The following MAL2 variants were observed in gnomAD, a reference collection of about 807,000 sequenced individuals.
The protein encoded by MAL2 is mal, T cell differentiation protein 2.
In MAL2, 17 loss-of-function variants were observed where a neutral mutation model predicts 18.1. The ratio of observed to expected loss-of-function variants is 0.94; its 90% confidence interval spans 0.64 to 1.41. The LOEUF is 1.41. Ranked by LOEUF, MAL2 falls within the 40% of genes most tolerant of loss-of-function variation. The pLI is 0.00. For missense variants in MAL2, 222 were observed against 231.9 expected (o/e 0.96, Z 0.28); for synonymous variants, 102 against 102.3 (o/e 1.00, Z 0.02).
At chr8:119,210,293 A>C (rs1404692957) in intron 1 of MAL2, among the ~76,000 whole-genome samples, 1 of 152,190 alleles carries the variant, frequency 6.6e-6, no homozygotes, top group South Asian at 2.1e-4. Flanking sequence ...AGGCTTATCC[A>C]TATGCCCTCT....
intron 2 of MAL2, among the ~76,000 whole-genome samples, chr8:119,237,461 C>A (rs1817932799): frequency 6.6e-6 from 1 of 151,444 alleles, no homozygotes; most frequent in Non-Finnish European, 1.5e-5. Flanking sequence ...ATTCTGATAC[C>A]AAAGCCGGGC....
intron 2 of MAL2, among the ~76,000 whole-genome samples, chr8:119,231,884 A>G (rs983961981): frequency 6.6e-6 from 1 of 150,976 alleles, no homozygotes; most frequent in Non-Finnish European, 1.5e-5. Context: ...ACAGAAGTAG[A>G]GAATAGAATG....
At chr8:119,240,138 G>A in intron 2 of MAL2, 27 bp from the exon 3 acceptor site, 1 of 1,590,020 alleles carries the variant, frequency 6.3e-7, no homozygotes, top group Non-Finnish European at 8.6e-7. Context: ...TTTTTTAATT[G>A]CAGATGTCTT....
intron 1 of MAL2, among the ~76,000 whole-genome samples, chr8:119,210,494 A>C (rs756803333): frequency 1.3e-5 from 2 of 152,182 alleles, no homozygotes; most frequent in Non-Finnish European, 2.9e-5. Flanking sequence ...AGCTTTTTAA[A>C]ATAACTGTTA....
At chr8:119,217,991 A>G (rs1817386547) in intron 1 of MAL2, among the ~76,000 whole-genome samples, 1 of 152,184 alleles carries the variant, frequency 6.6e-6, no homozygotes, top group South Asian at 2.1e-4. Flanking sequence ...GCTCAAGAAG[A>G]AAAGTAGCTT....
chr8:119,239,580 C>G lies in MAL2; in HGVS notation c.304-585C>G, dbSNP rs1284581062. The stretch of plus-strand genomic sequence containing the variant: ...TGTGGCACATATACACCATGGAATA[C>G]TATGCAGCCATAAAAAATGATGAGT... On this transcript the variant is annotated intron_variant, in intron 2 of 3. Coordinates refer to ENST00000614891, the MANE Select transcript of MAL2 (RefSeq NM_052886.3). Among the ~76,000 whole-genome samples, 983 of 150,238 alleles carry G rather than the reference C, an allele frequency of 6.5e-3. 17 individuals carry two copies. Among genetic ancestry groups the G allele is most frequent in the African/African-American group, 0.024 (938 of 39,616 alleles).
chr8:119,242,864 G>A (rs1404214508), intron 3 of MAL2, among the ~76,000 whole-genome samples: 1 of 152,162 alleles, frequency 6.6e-6, no homozygotes, highest in Non-Finnish European at 1.5e-5. Context: ...ACACACAGTT[G>A]GTGCTGAAGA....
chr8:119,243,166 G>A (rs1818080404), intron 3 of MAL2, among the ~76,000 whole-genome samples: 1 of 151,892 alleles, frequency 6.6e-6, no homozygotes, highest in African/African-American at 2.4e-5. Context: ...AATGTTCAGT[G>A]TAAAGTTGTC....
intron 2 of MAL2, among the ~76,000 whole-genome samples, chr8:119,233,752 G>A (rs1447558321): frequency 6.6e-6 from 1 of 151,842 alleles, no homozygotes; most frequent in African/African-American, 2.4e-5. Flanking sequence ...GAGGTACAAG[G>A]AGGAACTGGT....
chr8:119,231,685 C>G (rs1018992325), intron 2 of MAL2, among the ~76,000 whole-genome samples: 6 of 152,082 alleles, frequency 3.9e-5, no homozygotes, highest in Non-Finnish European at 7.4e-5. Context: ...ATGGAATCAA[C>G]CTAAAGGCCA....
Position 119,208,927 on chromosome 8 carries a change from C to G in MAL2, c.132+323C>G. 5.1e-6 allele frequency: 1 copy of G among 195,632 alleles called. No homozygotes were observed. Among genetic ancestry groups the G allele is most frequent in the Non-Finnish European group, 1.0e-5 (1 of 97,886 alleles). The allele number at this position is 195,632 out of a possible 1,614,324, so 12.1% of individuals were successfully genotyped here. ...GGGCTCAGAGGCGCCTTTAGAAACC[C>G]AGGGCATGGCCAGGGGCCGCGCTTG... is the stretch of plus-strand genomic sequence containing the variant. On this transcript the variant is annotated intron_variant, in intron 1 of 3. Transcript: ENST00000614891. The surrounding 1 kb of genome is among the most constrained non-coding windows in gnomAD (Gnocchi z 4.3).
intron 2 of MAL2, among the ~76,000 whole-genome samples, chr8:119,229,838 A>T (rs562775159): frequency 1.5e-4 from 23 of 152,282 alleles, no homozygotes; most frequent in African/African-American, 5.3e-4. Context: ...GCATAAGGAA[A>T]CCACTCTTCC....
chr8:119,208,503 C>G lies in MAL2; in HGVS notation c.31C>G (p.Pro11Ala). The G allele has an allele frequency of 7.5e-7, 1 of 1,325,254 alleles. No homozygotes were observed. The highest frequency in any genetic ancestry group is 3.1e-5 in the East Asian group (1 of 32,286). The allele number at this position is 1,325,254 out of a possible 1,614,324, so 82.1% of individuals were successfully genotyped here. A position where few individuals can be genotyped will look rare whatever the true frequency, so the allele number is the denominator to read the frequency against. MSAGGASVPPPPNPAVSFPPP... is the reference protein window; with the variant it reads MSAGGASVPPAPNPAVSFPPP... ...GGCCGGCGGAGCGTCAGTCCCGCCGCCCCCGAACCCCGCCGTGTCCTTCCC... is the reference window on the plus strand; with the variant it reads ...GGCCGGCGGAGCGTCAGTCCCGCCGGCCCCGAACCCCGCCGTGTCCTTCCC... Residue 11 changes from proline to alanine, a missense_variant, in exon 1 of 4, where the codon CCC (proline) becomes GCC (alanine). Transcript: ENST00000614891. The surrounding 1 kb of genome is among the most constrained non-coding windows in gnomAD (Gnocchi z 4.3).
At chr8:119,241,247 C>T (rs1406669087) in intron 3 of MAL2, among the ~76,000 whole-genome samples, 2 of 152,090 alleles carry the variant, frequency 1.3e-5, no homozygotes, top group Non-Finnish European at 2.9e-5. Context: ...ATTAACTAGG[C>T]CAAGGAATCA....
intron 1 of MAL2, among the ~76,000 whole-genome samples, chr8:119,209,417 C>T (rs891406204): frequency 1.3e-5 from 2 of 152,154 alleles, no homozygotes; most frequent in African/African-American, 4.8e-5. Flanking sequence ...TTAGGTAGCA[C>T]TTGAACTTTT....
At chr8:119,218,919 T>C (rs1817410090) in intron 1 of MAL2, among the ~76,000 whole-genome samples, 1 of 152,222 alleles carries the variant, frequency 6.6e-6, no homozygotes, top group Admixed American at 6.5e-5. Flanking sequence ...TTTCTTAAAC[T>C]GTATTTAAAG....
At chr8:119,219,983 G>A (rs1447416827) in intron 1 of MAL2, among the ~76,000 whole-genome samples, 2 of 152,190 alleles carry the variant, frequency 1.3e-5, no homozygotes, top group Non-Finnish European at 1.5e-5. Context: ...CCACTCTGAT[G>A]TGAAAGATCT....
At chr8:119,226,459 A>G (rs1817597536) in intron 2 of MAL2, among the ~76,000 whole-genome samples, 1 of 129,946 alleles carries the variant, frequency 7.7e-6, no homozygotes, top group Non-Finnish European at 1.6e-5. Flanking sequence ...ACGAAGAGCA[A>G]ACATGGGCTT....
chr8:119,210,116 T>C (rs974214286), intron 1 of MAL2, among the ~76,000 whole-genome samples: 37 of 152,226 alleles, frequency 2.4e-4, no homozygotes, highest in African/African-American at 6.8e-4. Context: ...TGAAATACTT[T>C]CTAAACTTCA....
Sources: gnomAD v4.1 joint callset for allele counts (sites outside exome capture counted in the v4.1 genomes callset) on GRCh38, gnomAD v4.1.1 for gene constraint, Gnocchi (gnomAD v3.1) non-coding constraint, MANE v1.5 for transcripts, NCBI Gene and HGNC (gene_info 2026-07-23, HGNC 2026-07-21) for gene names.